Variants in SMC2 observed in about 807,000 individuals in gnomAD.
SMC2 encodes the protein structural maintenance of chromosomes 2.
SMC2 carries 41 observed loss-of-function variants against 142.6 expected under a neutral mutation model. The ratio of observed to expected loss-of-function variants is 0.29; its 90% CI spans 0.22 to 0.37. SMC2 has a LOEUF of 0.37. Ranked by LOEUF, SMC2 falls within the 10% of genes least tolerant of loss-of-function variation. The pLI, the probability that SMC2 is intolerant of heterozygous loss-of-function variation, is 1.00. For missense variants in SMC2, 1,265 were observed against 1,373.7 expected, an observed-to-expected ratio of 0.92 and a Z score of 1.25; for synonymous variants, 463 against 457.5, an observed-to-expected ratio of 1.01 and a Z score of -0.15.
chr9:104,110,761 C>T (rs575717344), intron 9 of SMC2, among the ~76,000 whole-genome samples: 187 of 152,266 alleles, frequency 1.2e-3, no homozygotes, highest in African/African-American at 4.3e-3. Context: ...CAAGTATTTG[C>T]GCAGTCACTC....
In SMC2 at chr9:104,141,115, A is replaced by G. The variant is rs999593159; in HGVS notation, c.*1800A>G. 1.3e-5 allele frequency: 2 copies of G among 152,194 alleles called. No individual in the cohort carries two copies. Among genetic ancestry groups the G allele is most frequent in the African/African-American group, 4.8e-5 (2 of 41,454 alleles). 9.4% of individuals were successfully genotyped at this position (152,194 alleles called of 1,614,324 possible). ...ACATTTGTTTCACACATCTGCAGTA[A>G]TATGAGTTAACTAATATTTAACAAG... On this transcript the variant is annotated 3_prime_UTR_variant, in exon 25 of 25. Transcript: ENST00000374793.
upstream of SMC2, chr9:104,093,143 A>G (rs960036402): frequency 1.3e-5 from 2 of 152,212 alleles, no homozygotes; most frequent in African/African-American, 4.8e-5. Flanking sequence ...ATGGAAGCCC[A>G]AAAGGATCAA....
At chr9:104,093,573 G>T (rs73663494), upstream of SMC2, among the ~76,000 whole-genome samples, 1 of 150,380 alleles carries the variant, frequency 6.6e-6, no homozygotes, top group Admixed American at 6.6e-5. Flanking sequence ...TGTCTTAAAA[G>T]GTTTCCAGAA....
rs1418697044 is a variant in SMC2 at position 104,140,155 on chromosome 9, A to G, written c.*840A>G. On this transcript the variant is annotated 3_prime_UTR_variant, in exon 25 of 25. Coordinates refer to ENST00000374793, the MANE Select transcript of SMC2 (RefSeq NM_006444.3). ...GTCATTAACAACCTATTGGTAAACA[A>G]GAATGTAGGTGCCAGTAGACTAAAC... The G allele has an allele frequency of 6.6e-6, 1 of 152,106 alleles. No individual in the cohort carries two copies. Among genetic ancestry groups the G allele is most frequent in the Non-Finnish European group, 1.5e-5 (1 of 67,988 alleles). The allele number at this position is 152,106 out of a possible 1,614,324, so 9.4% of individuals were successfully genotyped here.
Position 104,139,498 on chromosome 9 carries a change from A to G in SMC2, c.*183A>G. ...ATATTCCTCATCTCTTAACTAGTCT[A>G]ATTATGGTCCAATTATTGTGGTTGT... is the stretch of plus-strand genomic sequence containing the variant. On this transcript the variant is annotated 3_prime_UTR_variant, in exon 25 of 25. Coordinates refer to ENST00000374793, the MANE Select transcript of SMC2 (RefSeq NM_006444.3). 2.2e-6 allele frequency: 1 copy of G among 458,044 alleles called. No homozygotes were observed. 28.4% of individuals were successfully genotyped at this position (458,044 alleles called of 1,614,324 possible).
intron 23 of SMC2, chr9:104,136,120 G>T: frequency 6.6e-6 from 2 of 301,912 alleles, no homozygotes; most frequent in South Asian, 3.1e-5. Context: ...CCTGAAAGAA[G>T]GTTGTCAACA....
intron 11 of SMC2, 35 bp downstream of exon 11, chr9:104,113,510 G>A (rs1332213641): frequency 6.7e-7 from 1 of 1,496,494 alleles, no homozygotes. Context: ...CAGATCATGA[G>A]GAGGTAGTGA....
intron 16 of SMC2, among the ~76,000 whole-genome samples, chr9:104,121,158 C>T (rs1024716420): frequency 1.4e-5 from 2 of 140,520 alleles, no homozygotes; most frequent in Non-Finnish European, 3.0e-5. Context: ...GAATTGAAAG[C>T]TTCATAAGTT....
At chr9:104,121,222 G>C (rs944362290) in intron 16 of SMC2, among the ~76,000 whole-genome samples, 2 of 152,190 alleles carry the variant, frequency 1.3e-5, no homozygotes, top group South Asian at 2.1e-4. Context: ...GCCAGGCCTA[G>C]TGGTGCACAC....
At chr9:104,133,898 C>G (rs1835247344) in intron 22 of SMC2, among the ~76,000 whole-genome samples, 1 of 152,116 alleles carries the variant, frequency 6.6e-6, no homozygotes, top group African/African-American at 2.4e-5. Context: ...CTGGGCCTCA[C>G]ATTGATCTAC....
intron 14 of SMC2, 79 bp downstream of exon 14, chr9:104,116,398 G>C (rs1366609561): frequency 7.4e-7 from 1 of 1,348,074 alleles, no homozygotes; most frequent in Non-Finnish European, 9.9e-7. Context: ...AATTTTGAGG[G>C]ACATAATCAT....
rs1442765268 is a variant in SMC2 at position 104,120,018 on chromosome 9, C to T, written c.1997-9C>T. The T allele has an allele frequency of 1.2e-6, 2 of 1,613,346 alleles. No homozygotes were observed. The highest frequency in any genetic ancestry group is 8.5e-7 in the Non-Finnish European group (1 of 1,179,704). ...ATGTGGAAGACCTGTTTCAATTTGCCTCTATCAGGTGCTCGATCCCAGGCA... is the reference window on the plus strand; with the variant it reads ...ATGTGGAAGACCTGTTTCAATTTGCTTCTATCAGGTGCTCGATCCCAGGCA... On this transcript the variant is annotated splice_polypyrimidine_tract_variant and intron_variant, in intron 15 of 24. Transcript: ENST00000374793.
At chr9:104,105,855 C>T (rs901027278) in intron 9 of SMC2, among the ~76,000 whole-genome samples, 2 of 152,160 alleles carry the variant, frequency 1.3e-5, no homozygotes, top group Non-Finnish European at 2.9e-5. Flanking sequence ...TCATGTTACC[C>T]GCCATGGCCA....
At chr9:104,127,866 G>GTAATC (rs1201360216) in intron 20 of SMC2, among the ~76,000 whole-genome samples, 3 of 151,992 alleles carry the variant, frequency 2.0e-5, no homozygotes, top group African/African-American at 7.3e-5. Flanking sequence ...ATATATACAG[G>GTAATC]TAATCTAAAA....
chr9:104,138,536 G>A (rs983450264), intron 24 of SMC2, among the ~76,000 whole-genome samples: 5 of 152,104 alleles, frequency 3.3e-5, no homozygotes, highest in African/African-American at 9.7e-5. Flanking sequence ...TGTGACACTT[G>A]ATGGGGAAAT....
Position 104,114,815 on chromosome 9 carries a change from G to A in SMC2, c.1657G>A (p.Val553Ile), listed in dbSNP as rs61755309. ...LVAGERLYNV[V>I]VDTEVTGKKL... ...GGCTGGAGAACGACTCTACAATGTTGTAGTAGACACAGAAGTAAGTTGATT... is the reference window on the plus strand; with the variant it reads ...GGCTGGAGAACGACTCTACAATGTTATAGTAGACACAGAAGTAAGTTGATT... The change falls in exon 13 of 25, where the codon GTA (valine) becomes ATA (isoleucine). Residue 553 changes from valine to isoleucine, a missense_variant. Val to Ile is a conservative substitution (Grantham distance 29). This residue lies in a region of SMC2 where 898 missense variants were observed against 904.2 expected (regional missense o/e 0.99). Transcript: ENST00000374793. 6.2e-5 allele frequency: 99 copies of A among 1,609,632 alleles called. No homozygotes were observed. The highest frequency in any genetic ancestry group is 8.5e-5 in the Admixed American group (5 of 59,124).
chr9:104,092,017 C>T (rs1829990228), upstream of SMC2: 1 of 152,052 alleles, frequency 6.6e-6, no homozygotes, highest in South Asian at 2.1e-4. Flanking sequence ...ACCCTATACT[C>T]TCTGTTTCTA....
At chr9:104,110,337 A>G (rs1832283152) in intron 9 of SMC2, among the ~76,000 whole-genome samples, 2 of 152,222 alleles carry the variant, frequency 1.3e-5, no homozygotes, top group African/African-American at 2.4e-5. Flanking sequence ...AACAGATAAT[A>G]TAAACTTATC....
rs781275101 is a variant in SMC2, at chr9:104,127,496, C to T, written c.2790+16C>T. On this transcript the variant is annotated intron_variant, in intron 20 of 24. Coordinates refer to ENST00000374793, the MANE Select transcript of SMC2 (RefSeq NM_006444.3). ...TGCTGCAAAGGTATACGTTTGTGTG[C>T]ATTTTTTATACTAAATCAAATTTTT... 11 of 1,496,890 alleles carry T rather than the reference C, an allele frequency of 7.3e-6. No homozygotes were observed. Among genetic ancestry groups the T allele is most frequent in the Admixed American group, 4.4e-5 (2 of 45,598 alleles). 92.7% of individuals were successfully genotyped at this position (1,496,890 alleles called of 1,614,324 possible).
Sources: gnomAD v4.1 joint callset for allele counts (sites outside exome capture counted in the v4.1 genomes callset) on GRCh38, gnomAD v4.1.1 for gene constraint, gnomAD v4.1.1 regional missense constraint, MANE v1.5 for transcripts, NCBI Gene and HGNC (gene_info 2026-07-23, HGNC 2026-07-21) for gene names.